Variants in SGMS1 observed in about 807,000 individuals in gnomAD.
The protein encoded by SGMS1 is phosphatidylcholine:ceramide cholinephosphotransferase 1.
In SGMS1, 13 loss-of-function variants were observed where a neutral mutation model predicts 46.2. The observed-to-expected ratio is 0.28, with a 90% CI of 0.18 to 0.45. The LOEUF (loss-of-function observed/expected upper bound fraction) is 0.45, where lower values mean the gene tolerates loss of function less well. Ranked by LOEUF, SGMS1 falls within the 20% of genes least tolerant of loss-of-function variation. The pLI, the probability that SGMS1 is intolerant of heterozygous loss-of-function variation, is 1.00. For synonymous variants in SGMS1, 203 were observed against 187.8 expected (o/e 1.08, Z -0.66); for missense variants, 324 against 519.9 (o/e 0.62, Z 3.66).
At chr10:50,358,550 G>T (rs769951376) in intron 6 of SGMS1, among the ~76,000 whole-genome samples, 1 of 152,116 alleles carries the variant, frequency 6.6e-6, no homozygotes, top group African/African-American at 2.4e-5. Flanking sequence ...TTAACTGGGC[G>T]TGGTAGCTCA....
chr10:50,602,070 C>T (rs1488178137), intron 1 of SGMS1, among the ~76,000 whole-genome samples: 2 of 152,298 alleles, frequency 1.3e-5, no homozygotes, highest in East Asian at 3.9e-4. Flanking sequence ...ATTTGGGATG[C>T]TCAACCAATA....
intron 3 of SGMS1, among the ~76,000 whole-genome samples, chr10:50,471,526 A>T (rs1171977141): frequency 6.6e-6 from 1 of 152,224 alleles, no homozygotes; most frequent in Non-Finnish European, 1.5e-5. Flanking sequence ...TATGAGACGC[A>T]AACACTTTTC....
At chr10:50,326,343 A>T (rs1423086991) in intron 8 of SGMS1, among the ~76,000 whole-genome samples, 1 of 152,136 alleles carries the variant, frequency 6.6e-6, no homozygotes, top group Non-Finnish European at 1.5e-5. Flanking sequence ...CTTTCCAAAG[A>T]TTCTATCAAA....
At chr10:50,372,084 A>G (rs557893167) in intron 6 of SGMS1, among the ~76,000 whole-genome samples, 141 of 152,328 alleles carry the variant, frequency 9.3e-4, no homozygotes, top group African/African-American at 2.9e-3. Flanking sequence ...CCAGAATCAA[A>G]GCTCCATAAG....
At chr10:50,411,403 C>G (rs370544547) in intron 6 of SGMS1, among the ~76,000 whole-genome samples, 2 of 152,156 alleles carry the variant, frequency 1.3e-5, no homozygotes, top group African/African-American at 4.8e-5. Context: ...AAAAACAATT[C>G]TATTTTTACA....
chr10:50,337,070 T>C (rs1477422451), intron 7 of SGMS1, among the ~76,000 whole-genome samples: 1 of 151,922 alleles, frequency 6.6e-6, no homozygotes, highest in South Asian at 2.1e-4. Flanking sequence ...GAGATAAATA[T>C]TACAGCTTAT....
At chr10:50,543,142 A>G (rs917871026) in intron 2 of SGMS1, among the ~76,000 whole-genome samples, 3 of 152,212 alleles carry the variant, frequency 2.0e-5, no homozygotes, top group Non-Finnish European at 2.9e-5. Context: ...AGCAATGAAC[A>G]TGTCAAGGCA....
At position 50,561,285 on chromosome 10, in the gene SGMS1, T is replaced by C. The variant is rs528400315; in HGVS notation, c.-589+28868A>G. Among the ~76,000 whole-genome samples, 28 of 152,272 alleles carry C rather than the reference T, an allele frequency of 1.8e-4. No homozygotes were observed. The South Asian group carries it at 5.4e-3, about 29-fold the overall frequency. Reference sequence around the variant, plus strand: ...TCAACTCATTACAATACCAAAACAGTACAATGAAGTAGGTATCACCACCCT... The same window carrying C: ...TCAACTCATTACAATACCAAAACAGCACAATGAAGTAGGTATCACCACCCT... On this transcript the variant is annotated intron_variant, in intron 2 of 10. Coordinates refer to ENST00000361781, the MANE Select transcript of SGMS1 (RefSeq NM_147156.4).
At chr10:50,364,365 C>T (rs902302305) in intron 6 of SGMS1, among the ~76,000 whole-genome samples, 1 of 152,028 alleles carries the variant, frequency 6.6e-6, no homozygotes, top group Non-Finnish European at 1.5e-5. Context: ...CTGTTATTAC[C>T]ATTCCACACT....
At chr10:50,389,555 G>A (rs1044740110) in intron 6 of SGMS1, among the ~76,000 whole-genome samples, 1 of 152,170 alleles carries the variant, frequency 6.6e-6, no homozygotes, top group Non-Finnish European at 1.5e-5. Context: ...ACTAGGCTAT[G>A]AGAGCAACTT....
At chr10:50,587,633 A>ATGTGTGTGTGTGTGTGTGTG (rs35240090) in intron 2 of SGMS1, among the ~76,000 whole-genome samples, 3 of 138,170 alleles carry the variant, frequency 2.2e-5, no homozygotes, top group Admixed American at 7.1e-5. Context: ...CAAAATATAT[A>ATGTGTGTGTGTGTGTGTGTG]TGTGTGTGTG....
intron 6 of SGMS1, among the ~76,000 whole-genome samples, chr10:50,351,135 GA>G (rs2133380131): frequency 1.3e-5 from 2 of 152,332 alleles, no homozygotes; most frequent in Admixed American, 1.3e-4. Flanking sequence ...GGAGTCAAAG[GA>G]GATCATTTTG....
chr10:50,552,258 A>G (rs1838155266), intron 2 of SGMS1, among the ~76,000 whole-genome samples: 1 of 152,220 alleles, frequency 6.6e-6, no homozygotes, highest in South Asian at 2.1e-4. Context: ...CATGTTTAAG[A>G]TATTAAGTAA....
chr10:50,387,842 A>G (rs1341724554), intron 6 of SGMS1, among the ~76,000 whole-genome samples: 1 of 152,234 alleles, frequency 6.6e-6, no homozygotes, highest in Non-Finnish European at 1.5e-5. Flanking sequence ...AAAGTGATGT[A>G]CAGAAAGTGG....
chr10:50,531,245 G>GTTTCATATT (rs1301939052), intron 2 of SGMS1, among the ~76,000 whole-genome samples: 1 of 152,138 alleles, frequency 6.6e-6, no homozygotes, highest in Non-Finnish European at 1.5e-5. Flanking sequence ...GTGCTCATGG[G>GTTTCATATT]TTTCATATTT....
chr10:50,612,326 C>G (rs949722485), intron 1 of SGMS1, among the ~76,000 whole-genome samples: 4 of 152,308 alleles, frequency 2.6e-5, no homozygotes, highest in Non-Finnish European at 4.4e-5. Context: ...ATGGAGACAG[C>G]CTGCCAGAAG....
chr10:50,587,556 G>A lies in SGMS1; in HGVS notation c.-589+2597C>T, dbSNP rs545717776. ...GAAGAATCGCTTGAACCCAGAAGGC[G>A]GAGGTTGCAGTGAGCCGAGATCGTG... On this transcript the variant is annotated intron_variant, in intron 2 of 10. Transcript: ENST00000361781. Among the ~76,000 whole-genome samples the A allele has an allele frequency of 1.1e-3, 162 of 152,128 alleles. 1 individual carries two copies. Among genetic ancestry groups the A allele is most frequent in the African/African-American group, 3.7e-3 (152 of 41,502 alleles).
intron 6 of SGMS1, among the ~76,000 whole-genome samples, chr10:50,422,643 C>T (rs1407454246): frequency 1.3e-5 from 2 of 152,142 alleles, no homozygotes; most frequent in Non-Finnish European, 2.9e-5. Flanking sequence ...GTACCAATTC[C>T]TCCTTAAATG....
chr10:50,572,333 G>A (rs1838343572), intron 2 of SGMS1, among the ~76,000 whole-genome samples: 1 of 152,190 alleles, frequency 6.6e-6, no homozygotes, highest in South Asian at 2.1e-4. Flanking sequence ...TGAGGGAAGG[G>A]TGGTAACGAG....
Sources: allele counts gnomAD v4.1 joint callset (sites outside exome capture counted in the v4.1 genomes callset), GRCh38; gene constraint gnomAD v4.1.1; transcripts MANE v1.5; gene names NCBI Gene and HGNC (gene_info 2026-07-23, HGNC 2026-07-21).